KAT6A: variants seen among roughly 807,000 people sequenced by gnomAD.
KAT6A encodes the protein histone acetyltransferase KAT6A.
KAT6A carries 9 observed loss-of-function variants against 198.4 expected under a neutral mutation model. The ratio of observed to expected loss-of-function variants is 0.05; its 90% CI spans 0.03 to 0.08. The LOEUF is 0.08. KAT6A is among the 10% of genes least tolerant of loss of function. The pLI is 1.00. For missense variants in KAT6A, 2,077 were observed against 2,509.9 expected (o/e 0.83, Z 3.69); for synonymous variants, 890 against 883.0 (o/e 1.01, Z -0.14).
rs577293362 is a variant in KAT6A at position 41,989,004 on chromosome 8, T to C, written c.601-1441A>G. 3.3e-5 allele frequency among the ~76,000 whole-genome samples: 5 copies of C among 152,270 alleles called. No homozygotes were observed. The South Asian group carries it at 1.0e-3, about 32-fold the overall frequency. On this transcript the variant is annotated intron_variant, in intron 2 of 16. Coordinates refer to ENST00000265713, the MANE Select transcript of KAT6A (RefSeq NM_006766.5). Reference sequence around the variant, plus strand: ...GAACAGATAAAGTACAATAAAATGTTTGTAGGTACCATGATAGAACTATAG... The same window carrying C: ...GAACAGATAAAGTACAATAAAATGTCTGTAGGTACCATGATAGAACTATAG...
chr8:42,044,807 A>G (rs1827830586), intron 2 of KAT6A, among the ~76,000 whole-genome samples: 1 of 152,174 alleles, frequency 6.6e-6, no homozygotes, highest in Non-Finnish European at 1.5e-5. Context: ...TGCTGAACCA[A>G]TTAATTCCTA....
intron 9 of KAT6A, among the ~76,000 whole-genome samples, chr8:41,952,203 G>C (rs938523710): frequency 1.3e-5 from 2 of 152,112 alleles, no homozygotes; most frequent in African/African-American, 4.8e-5. Context: ...TCAGTAACTG[G>C]GATGACGAGA....
intron 2 of KAT6A, among the ~76,000 whole-genome samples, chr8:41,991,893 A>C (rs572308056): frequency 2.2e-4 from 34 of 152,240 alleles, no homozygotes; most frequent in Admixed American, 5.2e-4. Flanking sequence ...AAAAAAGGAG[A>C]CCACAAAGGA....
chr8:42,037,143 AAATTT>A (rs761845050), intron 2 of KAT6A, among the ~76,000 whole-genome samples: 68 of 152,188 alleles, frequency 4.5e-4, no homozygotes, highest in Non-Finnish European at 2.9e-5. Context: ...ACTACTAGTC[AAATTT>A]AATTAGTTTG....
At chr8:41,970,597 C>T (rs1447068364) in intron 8 of KAT6A, among the ~76,000 whole-genome samples, 1 of 152,168 alleles carries the variant, frequency 6.6e-6, no homozygotes, top group African/African-American at 2.4e-5. Context: ...AAAGAAAGGC[C>T]TCGTTCTCAC....
chr8:42,047,182 T>C (rs1179787127), intron 2 of KAT6A, among the ~76,000 whole-genome samples: 2 of 152,206 alleles, frequency 1.3e-5, no homozygotes, highest in Non-Finnish European at 2.9e-5. Flanking sequence ...ACTTAAAGCA[T>C]CACTGCTCTC....
In KAT6A at chr8:41,929,495, A is replaced by T. The variant is rs990921797; in HGVS notation, c.*2710T>A. The T allele has an allele frequency of 4.4e-5, 8 of 180,194 alleles. No individual in the cohort carries two copies. Among genetic ancestry groups the T allele is most frequent in the Non-Finnish European group, 9.5e-5 (8 of 84,292 alleles). 11.2% of individuals were successfully genotyped at this position (180,194 alleles called of 1,614,324 possible). A position where few individuals can be genotyped will look rare whatever the true frequency, so the allele number is the denominator to read the frequency against. Reference sequence around the variant, plus strand: ...AGACAGACATCCAAAATGGCTCAACATAATTTATTTTTTATGTTAAAATGT... The same window carrying T: ...AGACAGACATCCAAAATGGCTCAACTTAATTTATTTTTTATGTTAAAATGT... On this transcript the variant is annotated 3_prime_UTR_variant, in exon 17 of 17. Coordinates refer to ENST00000265713, the MANE Select transcript of KAT6A (RefSeq NM_006766.5).
chr8:41,985,232 A>C (rs1010274268), intron 3 of KAT6A, among the ~76,000 whole-genome samples: 2 of 152,108 alleles, frequency 1.3e-5, no homozygotes, highest in South Asian at 2.1e-4. Flanking sequence ...ATTTTCATCT[A>C]ATCTTTCATG....
At chr8:42,030,153 T>C (rs144895956) in intron 2 of KAT6A, among the ~76,000 whole-genome samples, 53 of 152,254 alleles carry the variant, frequency 3.5e-4, no homozygotes, top group African/African-American at 1.1e-3. Context: ...CTGCAGCTCA[T>C]TGGGTCTCGG....
chr8:42,047,004 T>C (rs1587868751), intron 2 of KAT6A, among the ~76,000 whole-genome samples: 1 of 152,130 alleles, frequency 6.6e-6, no homozygotes, highest in African/African-American at 2.4e-5. Context: ...TAAAGAAAAA[T>C]CTACAGGTAT....
chr8:41,936,045 T>C (rs1821836596), intron 16 of KAT6A, among the ~76,000 whole-genome samples: 1 of 152,234 alleles, frequency 6.6e-6, no homozygotes, highest in South Asian at 2.1e-4. Context: ...GTGGATCACT[T>C]GAGGTCAGGA....
chr8:42,040,735 CAAA>C (rs59959496), intron 2 of KAT6A, among the ~76,000 whole-genome samples: 9 of 54,670 alleles, frequency 1.6e-4, no homozygotes, highest in African/African-American at 5.4e-4. Context: ...GACTCTGTCT[CAAA>C]AAAAAAAAAA....
chr8:41,995,674 CTTTTTT>C (rs10710765), intron 2 of KAT6A, among the ~76,000 whole-genome samples: 2 of 103,084 alleles, frequency 1.9e-5, no homozygotes, highest in Admixed American at 1.0e-4. Flanking sequence ...ATTTTCATTT[CTTTTTT>C]TTTTTTTTTT....
intron 15 of KAT6A, among the ~76,000 whole-genome samples, chr8:41,938,221 C>T (rs1821943631): frequency 6.6e-6 from 1 of 152,234 alleles, no homozygotes; most frequent in Non-Finnish European, 1.5e-5. Flanking sequence ...CCAATCCCTT[C>T]ATTCTATAGA....
intron 8 of KAT6A, among the ~76,000 whole-genome samples, chr8:41,965,297 ATAT>A (rs1238337814): frequency 3.9e-5 from 6 of 152,188 alleles, no homozygotes; most frequent in African/African-American, 1.2e-4. Flanking sequence ...ATGTCCATAA[ATAT>A]TATTCTTTTT....
intron 3 of KAT6A, among the ~76,000 whole-genome samples, 171 bp from the exon 4 acceptor site, chr8:41,982,125 A>G (rs1016645195): frequency 2.0e-5 from 3 of 152,184 alleles, no homozygotes; most frequent in East Asian, 1.9e-4. Context: ...ACTTGGCACC[A>G]CAATTCAGTT....
rs756943118 is a variant in KAT6A at position 41,934,305 on chromosome 8, A to G, written c.3915T>C (p.Ala1305=). ...GGTCGTCATTCTGGGCAGTCTCTGC[A>G]GCTGCATCTTCCTCCTCCTCTGGCT... The part of the protein sequence containing the change: ...EPEPEEEEDA[A]AETAQNDDHD... Residue 1305 remains alanine, a synonymous_variant, in exon 17 of 17, where the codon GCT becomes GCC. Coordinates refer to ENST00000265713, the MANE Select transcript of KAT6A (RefSeq NM_006766.5). 26 of 1,613,924 alleles carry G rather than the reference A, an allele frequency of 1.6e-5. No individual in the cohort carries two copies. The highest frequency in any genetic ancestry group is 8.8e-5 in the South Asian group (8 of 91,082).
At chr8:42,013,874 AG>A (rs1199790909) in intron 2 of KAT6A, among the ~76,000 whole-genome samples, 1 of 152,202 alleles carries the variant, frequency 6.6e-6, no homozygotes, top group Admixed American at 6.5e-5. Context: ...ACAACAGAGC[AG>A]GGTTTGGCAA....
At chr8:41,946,178 C>A (rs892300914) in intron 12 of KAT6A, among the ~76,000 whole-genome samples, 4 of 152,132 alleles carry the variant, frequency 2.6e-5, no homozygotes, top group African/African-American at 4.8e-5. Context: ...TTGCTCACTG[C>A]AGCTTCAACC....
Sources: gnomAD v4.1 joint callset for allele counts (sites outside exome capture counted in the v4.1 genomes callset) on GRCh38, gnomAD v4.1.1 for gene constraint, MANE v1.5 for transcripts, NCBI Gene and HGNC (gene_info 2026-07-23, HGNC 2026-07-21) for gene names.